ADAMTSL1: variants seen among roughly 807,000 people sequenced by gnomAD.
ADAMTSL1 encodes the protein ADAMTS-like protein 1.
A neutral mutation model predicts 201.8 loss-of-function variants in ADAMTSL1; 126 were observed. That is an observed-to-expected ratio of 0.62 (90% confidence interval 0.54 to 0.72). The LOEUF is 0.72. Ranked by LOEUF, ADAMTSL1 falls within the 30% of genes least tolerant of loss-of-function variation. The probability of loss-of-function intolerance (pLI) is 0.00; values close to 1 mark genes in which losing one functional copy is unlikely to be tolerated. For missense variants in ADAMTSL1, 2,679 were observed against 2,277.8 expected (o/e 1.18, Z -3.59); for synonymous variants, 1,121 against 903.4 (o/e 1.24, Z -4.32).
intron 1 of ADAMTSL1, among the ~76,000 whole-genome samples, chr9:17,950,395 A>T (rs1827686361): frequency 6.6e-6 from 1 of 152,004 alleles, no homozygotes; most frequent in Non-Finnish European, 1.5e-5. Context: ...GTCCTCTTTG[A>T]ACTTTTCCAA....
chr9:18,594,474 G>A (rs1217706747), intron 4 of ADAMTSL1, among the ~76,000 whole-genome samples: 1 of 151,910 alleles, frequency 6.6e-6, no homozygotes, highest in Non-Finnish European at 1.5e-5. Flanking sequence ...TTTGCTTTTT[G>A]ATGTCCTGTA....
chr9:18,541,665 T>A (rs1820157622), intron 3 of ADAMTSL1, among the ~76,000 whole-genome samples: 1 of 152,238 alleles, frequency 6.6e-6, no homozygotes, highest in Admixed American at 6.5e-5. Context: ...AGCTGCCACT[T>A]ACCAGTTATG....
At chr9:18,900,776 G>A (rs373258253) in intron 26 of ADAMTSL1, among the ~76,000 whole-genome samples, 14 of 151,084 alleles carry the variant, frequency 9.3e-5, no homozygotes, top group South Asian at 2.1e-4. Context: ...GCCTATTGGC[G>A]GTGGGGGTGG....
chr9:18,300,205 C>G (rs1319856567), intron 2 of ADAMTSL1, among the ~76,000 whole-genome samples: 1 of 152,124 alleles, frequency 6.6e-6, no homozygotes, highest in African/African-American at 2.4e-5. Flanking sequence ...AGACTTGGAA[C>G]CAACCGAAAT....
At chr9:18,814,606 C>T (rs898089822) in intron 20 of ADAMTSL1, among the ~76,000 whole-genome samples, 21 of 152,124 alleles carry the variant, frequency 1.4e-4, no homozygotes, top group African/African-American at 4.6e-4. Flanking sequence ...AGCTGGAGGC[C>T]ATTACCCTTA....
rs16937157 is a variant in ADAMTSL1 at position 18,862,954 on chromosome 9, G to T, written c.4250-24877G>T. Among the ~76,000 whole-genome samples, 656 of 152,326 alleles carry T rather than the reference G, an allele frequency of 4.3e-3. 8 individuals carry two copies. Among genetic ancestry groups the T allele is most frequent in the African/African-American group, 0.015 (623 of 41,576 alleles). ...GCAGAGAAGGACTTATGGGAACCCT[G>T]TGTATTATCCTCATGAGGTAGGTTC... On this transcript the variant is annotated intron_variant, in intron 23 of 28. Transcript: ENST00000380548.
intron 1 of ADAMTSL1, among the ~76,000 whole-genome samples, chr9:18,085,793 A>T (rs1823743833): frequency 6.6e-6 from 1 of 151,630 alleles, no homozygotes; most frequent in South Asian, 2.1e-4. Flanking sequence ...ACACACACAC[A>T]CATGCACACA....
intron 1 of ADAMTSL1, among the ~76,000 whole-genome samples, chr9:18,042,095 GA>G (rs76542418): frequency 0.24 from 30,080 of 124,302 alleles, 4,177 homozygotes; most frequent in African/African-American, 0.45. Flanking sequence ...TAATTGCTGG[GA>G]AAAAAAAAAA....
intron 7 of ADAMTSL1, among the ~76,000 whole-genome samples, chr9:18,641,035 T>C (rs1827403578): frequency 6.6e-6 from 1 of 152,012 alleles, no homozygotes; most frequent in Non-Finnish European, 1.5e-5. Flanking sequence ...TGCCCACCTT[T>C]CCAATCTCAC....
chr9:18,302,611 G>T (rs1376288030), intron 2 of ADAMTSL1, among the ~76,000 whole-genome samples: 4 of 152,150 alleles, frequency 2.6e-5, no homozygotes, highest in Non-Finnish European at 4.4e-5. Context: ...ATACACACTG[G>T]TTGATTTTAA....
At chr9:18,498,872 A>C (rs1822679859) in intron 1 of ADAMTSL1, among the ~76,000 whole-genome samples, 1 of 152,216 alleles carries the variant, frequency 6.6e-6, no homozygotes, top group South Asian at 2.1e-4. Flanking sequence ...ATTTGTCTAA[A>C]TCCTGGCATG....
At chr9:18,224,542 A>G (rs753397864) in intron 2 of ADAMTSL1, among the ~76,000 whole-genome samples, 2 of 152,138 alleles carry the variant, frequency 1.3e-5, no homozygotes, top group African/African-American at 4.8e-5. Flanking sequence ...CCCCAAATTT[A>G]TGTGCTTCTC....
At chr9:18,788,116 A>T (rs10811033) in intron 19 of ADAMTSL1, among the ~76,000 whole-genome samples, 85,684 of 151,996 alleles carry the variant, frequency 0.56, 24,262 homozygotes, top group East Asian at 0.68. Flanking sequence ...AGCAAAGGTT[A>T]AAAAAAGTTG....
At chr9:18,231,148 G>A (rs1830633388) in intron 2 of ADAMTSL1, among the ~76,000 whole-genome samples, 2 of 151,998 alleles carry the variant, frequency 1.3e-5, no homozygotes, top group African/African-American at 2.4e-5. Flanking sequence ...CTCCTTCAGG[G>A]TAACTACTTG....
chr9:18,262,465 G>T (rs2132539348), intron 2 of ADAMTSL1, among the ~76,000 whole-genome samples: 1 of 152,210 alleles, frequency 6.6e-6, no homozygotes, highest in East Asian at 1.9e-4. Context: ...ATACACTGTT[G>T]GCCAAAGAAA....
chr9:18,315,314 G>A (rs533685232), intron 2 of ADAMTSL1, among the ~76,000 whole-genome samples: 100 of 152,258 alleles, frequency 6.6e-4, no homozygotes, highest in African/African-American at 1.5e-3. Context: ...AGCTGGCTTC[G>A]CCTAGTGCAT....
intron 2 of ADAMTSL1, among the ~76,000 whole-genome samples, chr9:18,279,780 G>A (rs1428058008): frequency 6.6e-5 from 10 of 152,128 alleles, no homozygotes; most frequent in Admixed American, 1.3e-4. Context: ...ATAGTTTCTT[G>A]GCAGGCCATC....
At chr9:18,695,796 G>T (rs1475035504) in intron 13 of ADAMTSL1, among the ~76,000 whole-genome samples, 1 of 152,174 alleles carries the variant, frequency 6.6e-6, no homozygotes, top group Non-Finnish European at 1.5e-5. Flanking sequence ...TTATAGCAAT[G>T]CCCCACTTCT....
Position 18,345,887 on chromosome 9 carries a change from T to C in ADAMTSL1, c.208-158942T>C, listed in dbSNP as rs1428362469. Among the ~76,000 whole-genome samples the C allele has an allele frequency of 2.6e-5, 4 of 152,044 alleles. No individual in the cohort carries two copies. In the East Asian group the frequency reaches 7.8e-4, roughly 30 times the overall value. On this transcript the variant is annotated intron_variant, in intron 2 of 29. Coordinates refer to the ADAMTSL1 transcript ENST00000680146. ...GACAGGTGATACCCCAAATCAATGATGAGGAATTGAACATGGAGATCCACT... is the reference window on the plus strand; with the variant it reads ...GACAGGTGATACCCCAAATCAATGACGAGGAATTGAACATGGAGATCCACT...
Sources: gnomAD v4.1 joint callset for allele counts (sites outside exome capture counted in the v4.1 genomes callset) on GRCh38, gnomAD v4.1.1 for gene constraint, MANE v1.5 for transcripts, NCBI Gene and HGNC (gene_info 2026-07-23, HGNC 2026-07-21) for gene names.